TMTC2: variants seen among roughly 807,000 people sequenced by gnomAD.
TMTC2 encodes the protein transmembrane O-mannosyltransferase targeting cadherins 2.
A neutral mutation model predicts 82.4 loss-of-function variants in TMTC2; 43 were observed. The ratio of observed to expected loss-of-function variants is 0.52; its 90% CI spans 0.41 to 0.67. The LOEUF (loss-of-function observed/expected upper bound fraction) is 0.67. TMTC2 is among the 30% of genes least tolerant of loss of function. The pLI, the probability that TMTC2 is intolerant of heterozygous loss-of-function variation, is 0.00. For synonymous variants in TMTC2, 408 were observed against 381.9 expected (o/e 1.07, Z -0.80); for missense variants, 919 against 1,012.4 (o/e 0.91, Z 1.25).
intron 4 of TMTC2, among the ~76,000 whole-genome samples, chr12:82,939,546 A>T (rs1250962728): frequency 6.6e-6 from 1 of 151,968 alleles, no homozygotes; most frequent in African/African-American, 2.4e-5. Flanking sequence ...TTAAGGTATA[A>T]TTTTTTCCAA....
At chr12:83,021,837 T>C (rs763271791) in intron 8 of TMTC2, 2 of 152,192 alleles carry the variant, frequency 1.3e-5, no homozygotes, top group Non-Finnish European at 2.9e-5. Context: ...GATCATATTG[T>C]GCCTCTATTT....
intron 10 of TMTC2, among the ~76,000 whole-genome samples, chr12:83,051,544 A>G (rs1320551498): frequency 1.3e-5 from 2 of 152,198 alleles, no homozygotes; most frequent in Non-Finnish European, 2.9e-5. Context: ...GGAATATAAT[A>G]CATGTCTAAT....
intron 4 of TMTC2, among the ~76,000 whole-genome samples, chr12:82,941,145 T>C (rs1876697207): frequency 6.6e-6 from 1 of 152,150 alleles, no homozygotes; most frequent in Non-Finnish European, 1.5e-5. Flanking sequence ...CAAGTGTTAG[T>C]TGCATTGTGA....
intron 4 of TMTC2, among the ~76,000 whole-genome samples, chr12:82,961,786 T>A (rs1330250587): frequency 2.6e-5 from 4 of 152,184 alleles, no homozygotes; most frequent in Non-Finnish European, 5.9e-5. Flanking sequence ...TTCTACACCA[T>A]TTGTTTTCTT....
At chr12:83,091,832 C>A (rs1883857486) in intron 11 of TMTC2, among the ~76,000 whole-genome samples, 1 of 152,148 alleles carries the variant, frequency 6.6e-6, no homozygotes, top group Non-Finnish European at 1.5e-5. Flanking sequence ...ATTTTTAATT[C>A]ATATGGAATT....
chr12:82,937,914 T>G (rs1426697754), intron 4 of TMTC2, among the ~76,000 whole-genome samples: 1 of 32,896 alleles, frequency 3.0e-5, no homozygotes, highest in Non-Finnish European at 8.2e-5. Flanking sequence ...AAACCTTTTT[T>G]TTTTTTTATT....
intron 1 of TMTC2, among the ~76,000 whole-genome samples, chr12:82,770,316 T>C: frequency 6.6e-6 from 1 of 152,314 alleles, no homozygotes; most frequent in Non-Finnish European, 1.5e-5. Flanking sequence ...CTGAGTCTAT[T>C]GTTTATAAGA....
chr12:82,906,268 G>T (rs769319827), intron 3 of TMTC2, among the ~76,000 whole-genome samples: 1 of 152,244 alleles, frequency 6.6e-6, no homozygotes, highest in Non-Finnish European at 1.5e-5. Context: ...TTGAAATGGT[G>T]TAACAAATTC....
chr12:82,872,014 C>T (rs567528296), intron 2 of TMTC2, among the ~76,000 whole-genome samples: 3 of 141,316 alleles, frequency 2.1e-5, no homozygotes, highest in Non-Finnish European at 4.6e-5. Flanking sequence ...CACCCCCCCC[C>T]CCGCCCACAC....
intron 3 of TMTC2, among the ~76,000 whole-genome samples, chr12:82,899,423 T>C (rs1873847662): frequency 6.6e-6 from 1 of 151,602 alleles, no homozygotes; most frequent in Non-Finnish European, 1.5e-5. Flanking sequence ...CTCTGCTCTG[T>C]TTGTAAAAAT....
chr12:82,828,092 G>A (rs773704260), intron 1 of TMTC2, among the ~76,000 whole-genome samples: 11 of 151,416 alleles, frequency 7.3e-5, no homozygotes, highest in Admixed American at 6.6e-5. Context: ...TGGGTTTCAC[G>A]GTATTGGTCA....
At chr12:82,782,295 G>A (rs1877946712) in intron 1 of TMTC2, among the ~76,000 whole-genome samples, 1 of 152,086 alleles carries the variant, frequency 6.6e-6, no homozygotes, top group Admixed American at 6.5e-5. Context: ...TTTATATTAT[G>A]TTTATCTACT....
intron 10 of TMTC2, among the ~76,000 whole-genome samples, chr12:83,057,632 CTA>C (rs1305475711): frequency 6.6e-6 from 1 of 151,772 alleles, no homozygotes; most frequent in Non-Finnish European, 1.5e-5. Context: ...TAACTTAAAA[CTA>C]AGCATCAGAG....
intron 1 of TMTC2, among the ~76,000 whole-genome samples, chr12:82,734,791 T>C (rs1444375302): frequency 6.6e-6 from 1 of 152,206 alleles, no homozygotes; most frequent in Non-Finnish European, 1.5e-5. Context: ...TTTGTTATTA[T>C]TATCCAACCA....
At chr12:83,020,874 A>C (rs767119723) in intron 8 of TMTC2, among the ~76,000 whole-genome samples, 2 of 152,222 alleles carry the variant, frequency 1.3e-5, no homozygotes, top group Non-Finnish European at 2.9e-5. Context: ...TCATTTATGT[A>C]ATATTCATAG....
At chr12:82,762,056 T>A (rs2136981490) in intron 1 of TMTC2, among the ~76,000 whole-genome samples, 1 of 139,948 alleles carries the variant, frequency 7.1e-6, no homozygotes, top group Admixed American at 7.6e-5. Context: ...AACCTCCGCC[T>A]CCTGGGTTCA....
chr12:83,045,752 C>CA (rs3223367), intron 9 of TMTC2, among the ~76,000 whole-genome samples: 11 of 149,292 alleles, frequency 7.4e-5, no homozygotes, highest in South Asian at 2.1e-4. Flanking sequence ...CACACACACA[C>CA]CAGGAGTGTC....
intron 2 of TMTC2, among the ~76,000 whole-genome samples, chr12:82,881,079 A>G (rs1231203036): frequency 6.6e-6 from 1 of 152,198 alleles, no homozygotes; most frequent in Non-Finnish European, 1.5e-5. Context: ...TTTTAACACA[A>G]CCTGAAATAA....
chr12:83,080,336 G>T (rs936653291), intron 11 of TMTC2, among the ~76,000 whole-genome samples: 2 of 152,004 alleles, frequency 1.3e-5, no homozygotes, highest in African/African-American at 4.8e-5. Context: ...CTGATAATGT[G>T]TATTTAAACC....
Sources: gnomAD v4.1 joint callset for allele counts (sites outside exome capture counted in the v4.1 genomes callset) on GRCh38, gnomAD v4.1.1 for gene constraint, MANE v1.5 for transcripts, NCBI Gene and HGNC (gene_info 2026-07-23, HGNC 2026-07-21) for gene names.